The following XKR4 variants were observed in gnomAD, a reference collection of about 807,000 sequenced individuals.
XKR4 encodes the protein XK related 4, also known as XK-related protein 4.
In XKR4, 12 loss-of-function variants were observed where a neutral mutation model predicts 53.9. The ratio of observed to expected loss-of-function variants is 0.22; its 90% CI spans 0.14 to 0.36. The LOEUF (loss-of-function observed/expected upper bound fraction) is 0.36. Ranked by LOEUF, XKR4 falls within the 10% of genes least tolerant of loss-of-function variation. The pLI is 1.00. For synonymous variants in XKR4, 354 were observed against 362.4 expected, an observed-to-expected ratio of 0.98 and a Z score of 0.26; for missense variants, 799 against 859.5, an observed-to-expected ratio of 0.93 and a Z score of 0.88.
intron 2 of XKR4, among the ~76,000 whole-genome samples, chr8:55,409,616 C>T (rs1019593543): frequency 6.6e-6 from 1 of 151,074 alleles, no homozygotes; most frequent in Admixed American, 6.6e-5. Context: ...TTTAATTTTA[C>T]GTGAACTCTT....
intron 2 of XKR4, among the ~76,000 whole-genome samples, chr8:55,425,489 C>T (rs1272196720): frequency 6.6e-6 from 1 of 152,224 alleles, no homozygotes; most frequent in African/African-American, 2.4e-5. Flanking sequence ...AGCCTTGATC[C>T]TTCTGAGCCT....
intron 1 of XKR4, among the ~76,000 whole-genome samples, chr8:55,307,437 A>T (rs1819319823): frequency 1.3e-5 from 2 of 152,194 alleles, no homozygotes; most frequent in South Asian, 4.1e-4. Context: ...GGATCACTTG[A>T]GCCCAGGAGT....
intron 2 of XKR4, among the ~76,000 whole-genome samples, chr8:55,430,163 A>G (rs1379665736): frequency 6.6e-6 from 1 of 152,224 alleles, no homozygotes; most frequent in Non-Finnish European, 1.5e-5. Context: ...GGATGCAGAG[A>G]AAATGAATTC....
chr8:55,525,937 A>G lies in XKR4; in HGVS notation c.*1710A>G, dbSNP rs374090222. 2 of 152,626 alleles carry G rather than the reference A, an allele frequency of 1.3e-5. No individual in the cohort carries two copies. The highest frequency in any genetic ancestry group is 1.9e-4 in the East Asian group (1 of 5,202). The allele number at this position is 152,626 out of a possible 1,614,324, so 9.5% of individuals were successfully genotyped here. A position where few individuals can be genotyped will look rare whatever the true frequency, so the allele number is the denominator to read the frequency against. On this transcript the variant is annotated 3_prime_UTR_variant, in exon 3 of 3. Transcript: ENST00000327381. ...AGTTGGTGCCCCCAGGAACCTGGCC[A>G]GGGGTGCTATCAGAATATCAGGTGA...
chr8:55,425,813 T>C (rs1805004195), intron 2 of XKR4, among the ~76,000 whole-genome samples: 1 of 152,198 alleles, frequency 6.6e-6, no homozygotes, highest in Non-Finnish European at 1.5e-5. Context: ...GTAACAGCCA[T>C]TCTCTCTGTT....
chr8:55,310,894 T>C (rs538715879), intron 1 of XKR4, among the ~76,000 whole-genome samples: 1 of 151,882 alleles, frequency 6.6e-6, no homozygotes, highest in South Asian at 2.1e-4. Flanking sequence ...CCACAGAGGG[T>C]GTTATAGGGT....
chr8:55,354,106 A>T (rs1470695864), intron 1 of XKR4, among the ~76,000 whole-genome samples: 1 of 152,224 alleles, frequency 6.6e-6, no homozygotes, highest in African/African-American at 2.4e-5. Flanking sequence ...AATTACCTAG[A>T]GACAAATTAG....
At chr8:55,454,045 C>A (rs1563354825) in intron 2 of XKR4, 1 of 877,774 alleles carries the variant, frequency 1.1e-6, no homozygotes, top group Non-Finnish European at 1.9e-6. Flanking sequence ...GATAGCCCTG[C>A]AGCAGCTGAT....
At chr8:55,155,466 A>G (rs1488192973) in intron 1 of XKR4, among the ~76,000 whole-genome samples, 1 of 152,162 alleles carries the variant, frequency 6.6e-6, no homozygotes, top group East Asian at 1.9e-4. Context: ...GATATTACAT[A>G]TGATGTAAAA....
chr8:55,482,298 A>G (rs1440758366), intron 2 of XKR4, among the ~76,000 whole-genome samples: 1 of 152,178 alleles, frequency 6.6e-6, no homozygotes, highest in Non-Finnish European at 1.5e-5. Context: ...TTGCAAGGAC[A>G]AAAAACCAAA....
At chr8:55,166,127 G>T (rs750802400) in intron 1 of XKR4, among the ~76,000 whole-genome samples, 34 of 152,206 alleles carry the variant, frequency 2.2e-4, no homozygotes, top group Non-Finnish European at 4.1e-4. Flanking sequence ...GAGGGAGGAA[G>T]TAATGATACT....
intron 1 of XKR4, among the ~76,000 whole-genome samples, chr8:55,322,225 T>A (rs1262302866): frequency 6.6e-6 from 1 of 152,238 alleles, no homozygotes; most frequent in Non-Finnish European, 1.5e-5. Context: ...TTGCAAGTAG[T>A]CTTTCTTAAC....
chr8:55,411,583 T>C (rs1804779193), intron 2 of XKR4, among the ~76,000 whole-genome samples: 1 of 152,224 alleles, frequency 6.6e-6, no homozygotes, highest in Non-Finnish European at 1.5e-5. Context: ...TGCCTAACCC[T>C]GATTCCCAAA....
At chr8:55,406,701 T>C (rs1186839909) in intron 2 of XKR4, among the ~76,000 whole-genome samples, 3 of 152,162 alleles carry the variant, frequency 2.0e-5, no homozygotes, top group Non-Finnish European at 2.9e-5. Flanking sequence ...TAGCTATAAA[T>C]TAGGAACAAT....
At chr8:55,373,228 G>A (rs977796777) in intron 2 of XKR4, among the ~76,000 whole-genome samples, 8 of 152,150 alleles carry the variant, frequency 5.3e-5, no homozygotes, top group African/African-American at 9.6e-5. Context: ...GTACAGTGGC[G>A]CGATCTTGGC....
intron 1 of XKR4, among the ~76,000 whole-genome samples, chr8:55,341,774 T>A (rs972937769): frequency 6.6e-5 from 10 of 152,066 alleles, no homozygotes; most frequent in Non-Finnish European, 1.0e-4. Context: ...TCCTGAACAT[T>A]CACACCTCCC....
chr8:55,451,795 T>G, intron 2 of XKR4: 1 of 1,015,392 alleles, frequency 9.8e-7, no homozygotes, highest in Non-Finnish European at 1.5e-6. Flanking sequence ...GCACTGATAG[T>G]CGCGGCAGCA....
chr8:55,167,803 T>C (rs905677621), intron 1 of XKR4, among the ~76,000 whole-genome samples: 2 of 152,126 alleles, frequency 1.3e-5, no homozygotes, highest in Non-Finnish European at 2.9e-5. Context: ...GGTGCAATGA[T>C]TGAGCTTGGG....
chr8:55,317,175 A>C (rs1229979804), intron 1 of XKR4, among the ~76,000 whole-genome samples: 1 of 152,246 alleles, frequency 6.6e-6, no homozygotes, highest in Non-Finnish European at 1.5e-5. Context: ...CTTATTTCTG[A>C]AAGATTTTAT....
Sources: allele counts gnomAD v4.1 joint callset (sites outside exome capture counted in the v4.1 genomes callset), GRCh38; gene constraint gnomAD v4.1.1; transcripts MANE v1.5; gene names NCBI Gene and HGNC (gene_info 2026-07-23, HGNC 2026-07-21).